The following RGS7 variants were observed in gnomAD, a reference collection of about 807,000 sequenced individuals.
RGS7 encodes the protein regulator of G-protein signaling 7.
RGS7 carries 27 observed loss-of-function variants against 81.1 expected under a neutral mutation model. That is an observed-to-expected ratio of 0.33 (90% CI 0.25 to 0.46). The LOEUF (loss-of-function observed/expected upper bound fraction) is 0.46, where lower values mean the gene tolerates loss of function less well. Ranked by LOEUF, RGS7 falls within the 20% of genes least tolerant of loss-of-function variation. The probability of loss-of-function intolerance (pLI) is 1.00; values close to 1 mark genes in which losing one functional copy is unlikely to be tolerated. For missense variants in RGS7, 396 were observed against 607.4 expected, an observed-to-expected ratio of 0.65 and a Z score of 3.66; for synonymous variants, 208 against 207.7, an observed-to-expected ratio of 1.00 and a Z score of -0.01.
chr1:240,827,237 A>T, intron 9 of RGS7, 65 bp from the exon 10 acceptor site: 3 of 1,283,134 alleles, frequency 2.3e-6, no homozygotes, highest in Non-Finnish European at 3.4e-6. Flanking sequence ...CAGGACAATC[A>T]TGAATGGCTC....
intron 2 of RGS7, among the ~76,000 whole-genome samples, chr1:241,204,988 T>C (rs988499043): frequency 7.9e-5 from 12 of 152,094 alleles, no homozygotes; most frequent in Non-Finnish European, 1.5e-4. Flanking sequence ...AGTAAATTTA[T>C]TTATTAATAG....
In RGS7 at chr1:240,868,576, C is replaced by T. The variant is rs1663905368; in HGVS notation, c.609+11G>A. 3.1e-6 allele frequency: 5 copies of T among 1,613,440 alleles called. No homozygotes were observed. The highest frequency in any genetic ancestry group is 1.3e-5 in the African/African-American group (1 of 74,886). On this transcript the variant is annotated intron_variant, in intron 9 of 18. Transcript: ENST00000440928. The surrounding 1 kb of genome is among the most constrained non-coding windows in gnomAD (Gnocchi z 5.1). ...AGATGGATTCAAGACGAGAGTGCGA[C>T]GCTTGCTTACCACGGGCCTGTGCAC...
intron 9 of RGS7, among the ~76,000 whole-genome samples, chr1:240,862,433 C>G (rs1662382339): frequency 6.6e-6 from 1 of 152,134 alleles, no homozygotes; most frequent in African/African-American, 2.4e-5. Flanking sequence ...GGCTTCCAAT[C>G]CATTCTTGAG....
At chr1:240,853,251 A>G (rs1660431228) in intron 9 of RGS7, among the ~76,000 whole-genome samples, 1 of 152,218 alleles carries the variant, frequency 6.6e-6, no homozygotes, top group Admixed American at 6.5e-5. Context: ...TAGTAAATAA[A>G]GAATAGTTTT....
At chr1:240,881,461 G>T (rs1000693532) in intron 6 of RGS7, among the ~76,000 whole-genome samples, 1 of 152,054 alleles carries the variant, frequency 6.6e-6, no homozygotes, top group African/African-American at 2.4e-5. Context: ...AAACAAACCT[G>T]CACGTTGTGC....
intron 3 of RGS7, among the ~76,000 whole-genome samples, chr1:240,994,097 A>G (rs1428654385): frequency 6.6e-6 from 1 of 152,220 alleles, no homozygotes; most frequent in Non-Finnish European, 1.5e-5. Context: ...TGTCTTGAAT[A>G]TATAATATAA....
chr1:241,221,854 A>T (rs2075034343), intron 2 of RGS7, among the ~76,000 whole-genome samples: 1 of 152,198 alleles, frequency 6.6e-6, no homozygotes, highest in Non-Finnish European at 1.5e-5. Context: ...CTCCATAAAC[A>T]TAAGCCAATT....
chr1:241,278,001 A>G (rs1372962081), intron 2 of RGS7, among the ~76,000 whole-genome samples: 1 of 152,152 alleles, frequency 6.6e-6, no homozygotes, highest in Non-Finnish European at 1.5e-5. Context: ...CATATTTACC[A>G]TTGAAAAACT....
chr1:241,233,217 A>G (rs1430748717), intron 2 of RGS7, among the ~76,000 whole-genome samples: 1 of 152,210 alleles, frequency 6.6e-6, no homozygotes, highest in Non-Finnish European at 1.5e-5. Context: ...ATTATTTATC[A>G]TTTCTTTATG....
intron 2 of RGS7, among the ~76,000 whole-genome samples, chr1:241,129,966 G>A (rs151122237): frequency 0.015 from 2,287 of 152,276 alleles, 23 homozygotes; most frequent in Middle Eastern, 0.034. Flanking sequence ...ATGTAACTGA[G>A]TGTCTTCTGA....
chr1:240,925,331 T>C (rs918970657), intron 6 of RGS7, among the ~76,000 whole-genome samples: 3 of 152,122 alleles, frequency 2.0e-5, no homozygotes, highest in Non-Finnish European at 4.4e-5. Flanking sequence ...TTTATGCCCA[T>C]GTATACCCAA....
chr1:240,979,683 C>T (rs983708745), intron 4 of RGS7, among the ~76,000 whole-genome samples: 2 of 152,166 alleles, frequency 1.3e-5, no homozygotes, highest in Non-Finnish European at 2.9e-5. Flanking sequence ...CACTTAGCAA[C>T]AGCGTGTAGA....
intron 9 of RGS7, among the ~76,000 whole-genome samples, chr1:240,850,588 A>C (rs1175532280): frequency 6.6e-6 from 1 of 152,224 alleles, no homozygotes; most frequent in Admixed American, 6.5e-5. Context: ...AAGAGTCCCA[A>C]GTCTCTCAAT....
At chr1:240,778,625 C>T (rs959164884) in intron 18 of RGS7, among the ~76,000 whole-genome samples, 5 of 152,202 alleles carry the variant, frequency 3.3e-5, no homozygotes, top group Non-Finnish European at 5.9e-5. Context: ...CTGCACCTCC[C>T]GGATTCAAGC....
intron 2 of RGS7, among the ~76,000 whole-genome samples, chr1:241,167,588 G>A (rs577480854): frequency 4.6e-5 from 7 of 151,482 alleles, no homozygotes; most frequent in South Asian, 4.2e-4. Flanking sequence ...GCGCAATCTC[G>A]GCTCACTGCA....
chr1:241,161,787 G>A (rs1281966818), intron 2 of RGS7, among the ~76,000 whole-genome samples: 2 of 148,628 alleles, frequency 1.3e-5, no homozygotes, highest in African/African-American at 2.5e-5. Flanking sequence ...GCACCACCTC[G>A]GCTCACTGCA....
At chr1:240,926,853 C>T (rs195778) in intron 6 of RGS7, among the ~76,000 whole-genome samples, 48,047 of 151,998 alleles carry the variant, frequency 0.32, 9,270 homozygotes, top group Non-Finnish European at 0.41. Flanking sequence ...AAGATATAGG[C>T]CTTTTAGTCC....
intron 2 of RGS7, among the ~76,000 whole-genome samples, chr1:241,334,713 C>T (rs76139284): frequency 0.01 from 1,585 of 152,150 alleles, 11 homozygotes; most frequent in Non-Finnish European, 0.017. Context: ...TTTTCACTTT[C>T]CTTTGAATGC....
At chr1:241,319,253 C>A (rs534577312) in intron 2 of RGS7, among the ~76,000 whole-genome samples, 2 of 152,106 alleles carry the variant, frequency 1.3e-5, no homozygotes, top group African/African-American at 4.8e-5. Flanking sequence ...GCCATTAAAT[C>A]ATGATTTATT....
Sources: allele counts gnomAD v4.1 joint callset (sites outside exome capture counted in the v4.1 genomes callset), GRCh38; gene constraint gnomAD v4.1.1; non-coding constraint Gnocchi (gnomAD v3.1); transcripts MANE v1.5; gene names NCBI Gene and HGNC (gene_info 2026-07-23, HGNC 2026-07-21).